The following ULK4 variants were observed in gnomAD, a reference collection of about 807,000 sequenced individuals.
ULK4 encodes the protein unc-51 like kinase 4.
Under a neutral mutation model 160.6 loss-of-function variants are expected in ULK4, and 133 were observed. The observed-to-expected ratio is 0.83, with a 90% confidence interval of 0.72 to 0.96. The LOEUF is 0.96. ULK4 is among the 40% of genes least tolerant of loss of function. The pLI, the probability that ULK4 is intolerant of heterozygous loss-of-function variation, is 0.00. For missense variants in ULK4, 1,580 were observed against 1,499.5 expected (o/e 1.05, Z -0.89); for synonymous variants, 534 against 539.8 (o/e 0.99, Z 0.15).
chr3:41,502,500 G>A (rs942111143), intron 32 of ULK4, among the ~76,000 whole-genome samples: 1 of 152,164 alleles, frequency 6.6e-6, no homozygotes, highest in Non-Finnish European at 1.5e-5. Context: ...ACTTACATGT[G>A]AGTGTTCATA....
intron 17 of ULK4, among the ~76,000 whole-genome samples, chr3:41,858,147 GTTTTTTTTTT>G (rs71288052): frequency 1.1e-5 from 1 of 92,116 alleles, no homozygotes; most frequent in African/African-American, 3.8e-5. Context: ...TTTTTTGTTT[GTTTTTTTTTT>G]TTTTTTTTTT....
At chr3:41,291,417 G>GGAAGGAGAGA (rs1370686753) in intron 35 of ULK4, among the ~76,000 whole-genome samples, 78 of 148,150 alleles carry the variant, frequency 5.3e-4, no homozygotes, top group Non-Finnish European at 1.1e-3. Context: ...AACGAAAGAA[G>GGAAGGAGAGA]GAAGGAGAGA....
rs184306904 is a variant in ULK4 at position 41,756,648 on chromosome 3, C to T, written c.2194-2160G>A. 4.6e-5 allele frequency among the ~76,000 whole-genome samples: 7 copies of T among 152,200 alleles called. No individual in the cohort carries two copies. In the East Asian group the frequency reaches 1.4e-3, roughly 29 times the overall value. Reference sequence around the variant, plus strand: ...TATCTGTAAGGAAGCTGGTCAGAGGCCCCCAGAGAAAACTCAGGAGAAAAA... The same window carrying T: ...TATCTGTAAGGAAGCTGGTCAGAGGTCCCCAGAGAAAACTCAGGAGAAAAA... On this transcript the variant is annotated intron_variant, in intron 21 of 36. Coordinates refer to ENST00000301831, the MANE Select transcript of ULK4 (RefSeq NM_017886.4).
intron 34 of ULK4, among the ~76,000 whole-genome samples, chr3:41,449,808 C>T (rs905301691): frequency 6.7e-6 from 1 of 150,346 alleles, no homozygotes; most frequent in Non-Finnish European, 1.5e-5. Flanking sequence ...TTTTTTAAAA[C>T]TGGCACAGTG....
Position 41,691,636 on chromosome 3 carries a change from C to T in ULK4, c.2782-9832G>A, listed in dbSNP as rs183070597. 2.5e-3 allele frequency among the ~76,000 whole-genome samples: 382 copies of T among 151,918 alleles called. 2 individuals are homozygous for T. The highest frequency in any genetic ancestry group is 8.3e-3 in the African/African-American group (344 of 41,510). ...ACAGTATTATCTATTTATTTATTTC[C>T]TTTAACATCCATTGATTTTTATCTA... On this transcript the variant is annotated intron_variant, in intron 27 of 36. Transcript: ENST00000301831.
intron 6 of ULK4, 97 bp downstream of exon 6, chr3:41,919,620 G>T (rs1002152931): frequency 9.6e-6 from 10 of 1,043,148 alleles, no homozygotes; most frequent in Non-Finnish European, 1.4e-5. Context: ...AAAAAATCTA[G>T]TTTTTTCACA....
intron 22 of ULK4, among the ~76,000 whole-genome samples, chr3:41,745,615 GA>G (rs1035696680): frequency 4.0e-5 from 6 of 151,494 alleles, no homozygotes; most frequent in African/African-American, 1.2e-4. Context: ...CCAGAAAACA[GA>G]AACAGAGGGC....
At chr3:41,803,568 C>T (rs1419163074) in intron 19 of ULK4, among the ~76,000 whole-genome samples, 1 of 152,012 alleles carries the variant, frequency 6.6e-6, no homozygotes, top group East Asian at 1.9e-4. Context: ...ATGTGCCATG[C>T]TGGTGTGCTG....
At chr3:41,773,000 G>C (rs999872775) in intron 21 of ULK4, among the ~76,000 whole-genome samples, 1 of 152,100 alleles carries the variant, frequency 6.6e-6, no homozygotes, top group Non-Finnish European at 1.5e-5. Context: ...TGCAGAAAAG[G>C]TCTTTGACAA....
At chr3:41,476,763 T>C (rs936814127) in intron 32 of ULK4, among the ~76,000 whole-genome samples, 1 of 152,172 alleles carries the variant, frequency 6.6e-6, no homozygotes. Context: ...TTTATGACTC[T>C]TGCCTCTTCT....
At chr3:41,652,024 G>C (rs751858122) in intron 30 of ULK4, among the ~76,000 whole-genome samples, 13 of 152,172 alleles carry the variant, frequency 8.5e-5, no homozygotes, top group Admixed American at 4.6e-4. Context: ...CAGCCTATAG[G>C]GCTGCTATGA....
At position 41,831,035 on chromosome 3, in the gene ULK4, GATTT is replaced by G. The variant is rs996729663; in HGVS notation, c.1764+4825_1764+4828del. ...TTTTTTATTTATTTATTTATTTATTGATTTATTTATTAGACAGGGTGTTGCTCTG... is the reference window on the plus strand; with the variant it reads ...TTTTTTATTTATTTATTTATTTATTGATTTATTAGACAGGGTGTTGCTCTG... On this transcript the variant is annotated intron_variant, in intron 18 of 36. Coordinates refer to ENST00000301831, the MANE Select transcript of ULK4 (RefSeq NM_017886.4). Among the ~76,000 whole-genome samples, 32 of 97,946 alleles carry G rather than the reference GATTT, an allele frequency of 3.3e-4. No individual in the cohort carries two copies. The South Asian group carries it at 0.01, about 31-fold the overall frequency. The allele number at this position is 97,946 out of a possible 152,430, so 64.3% of individuals were successfully genotyped here. A position where few individuals can be genotyped will look rare whatever the true frequency, so the allele number is the denominator to read the frequency against.
Position 41,425,687 on chromosome 3 carries a change from T to C in ULK4, c.3493-27423A>G, listed in dbSNP as rs146287958. ...TTCATATCTGGCCAGACTAAGCTCA[T>C]AAGTTAAGGAGAAGTAAAATCCTTT... On this transcript the variant is annotated intron_variant, in intron 34 of 36. Transcript: ENST00000301831. 3.9e-5 allele frequency among the ~76,000 whole-genome samples: 6 copies of C among 152,226 alleles called. No individual in the cohort carries two copies. The East Asian group carries it at 1.2e-3, about 29-fold the overall frequency.
intron 17 of ULK4, among the ~76,000 whole-genome samples, chr3:41,865,225 C>G (rs1030409104): frequency 7.6e-6 from 1 of 132,016 alleles, no homozygotes; most frequent in Admixed American, 9.2e-5. Context: ...GTGAACCGAT[C>G]ACGCCACTGC....
intron 32 of ULK4, among the ~76,000 whole-genome samples, chr3:41,504,091 T>A (rs1575322291): frequency 6.6e-6 from 1 of 152,138 alleles, no homozygotes; most frequent in East Asian, 1.9e-4. Flanking sequence ...ACTGGAGTAT[T>A]TAGTTGGTCA....
chr3:41,270,247 C>G (rs2079116611), intron 35 of ULK4, among the ~76,000 whole-genome samples: 1 of 152,142 alleles, frequency 6.6e-6, no homozygotes, highest in Admixed American at 6.5e-5. Context: ...AACCCCTAAC[C>G]AGGAAAGAGT....
chr3:41,352,926 A>G (rs544273131), intron 35 of ULK4, among the ~76,000 whole-genome samples: 2 of 152,312 alleles, frequency 1.3e-5, no homozygotes, highest in East Asian at 3.9e-4. Context: ...AGCAAAAGAG[A>G]GCAGTACCAT....
intron 31 of ULK4, among the ~76,000 whole-genome samples, chr3:41,570,167 G>C (rs900590892): frequency 6.6e-6 from 1 of 152,216 alleles, no homozygotes; most frequent in African/African-American, 2.4e-5. Flanking sequence ...CCACTGATGA[G>C]AGCCACTTGA....
chr3:41,647,281 G>A (rs1201462890), intron 30 of ULK4, among the ~76,000 whole-genome samples: 1 of 152,146 alleles, frequency 6.6e-6, no homozygotes, highest in Admixed American at 6.6e-5. Context: ...GCTTTTTAGA[G>A]TTTCCAGTTT....
Sources: allele counts gnomAD v4.1 joint callset (sites outside exome capture counted in the v4.1 genomes callset), GRCh38; gene constraint gnomAD v4.1.1; transcripts MANE v1.5; gene names NCBI Gene and HGNC (gene_info 2026-07-23, HGNC 2026-07-21).